Variants in SPTB observed in about 807,000 individuals in gnomAD.
The protein encoded by SPTB is spectrin beta chain, erythrocytic.
Under a neutral mutation model 256.2 loss-of-function variants are expected in SPTB, and 45 were observed. That is an observed-to-expected ratio of 0.18 (90% CI 0.14 to 0.23). The LOEUF (loss-of-function observed/expected upper bound fraction) is 0.23. SPTB is among the 10% of genes least tolerant of loss of function. SPTB has a pLI of 1.00. For synonymous variants in SPTB, 1,231 were observed against 1,243.1 expected (o/e 0.99, Z 0.21); for missense variants, 2,715 against 3,040.4 (o/e 0.89, Z 2.52).
At chr14:64,773,454 A>T in intron 24 of SPTB, 30 bp from the exon 25 acceptor site, 1 of 1,610,594 alleles carries the variant, frequency 6.2e-7, no homozygotes, top group Non-Finnish European at 8.5e-7. Flanking sequence ...AGGCCCTCAG[A>T]GACGGCAGCC....
intron 1 of SPTB, among the ~76,000 whole-genome samples, chr14:64,832,851 C>G (rs898922192): frequency 6.6e-6 from 1 of 152,248 alleles, no homozygotes; most frequent in African/African-American, 2.4e-5. Context: ...ACTGCCTTCT[C>G]AAGTCTAGTG....
At chr14:64,822,374 T>TCTCACACACACACACACACACA in intron 2 of SPTB, among the ~76,000 whole-genome samples, 2 of 1,016 alleles carry the variant, frequency 2.0e-3, no homozygotes, top group Non-Finnish European at 3.2e-3. Context: ...TCTCTCTCTC[T>TCTCACACACACACACACACACA]CACACACACA....
rs2082987619 is a variant in SPTB at position 64,806,548 on chromosome 14, G to T, written c.149-1458C>A. On this transcript the variant is annotated intron_variant, in intron 2 of 35. Transcript: ENST00000644917. The surrounding 1 kb of genome is among the most constrained non-coding windows in gnomAD (Gnocchi z 4.1). ...AATAACAAAAAGAGGAGCTTAGCCA[G>T]TTCTGCCTCAAGGGTAGAATCCTGG... 1.3e-5 allele frequency among the ~76,000 whole-genome samples: 2 copies of T among 152,354 alleles called. No homozygotes were observed. Among genetic ancestry groups the T allele is most frequent in the Admixed American group, 1.3e-4 (2 of 15,312 alleles).
intron 20 of SPTB, among the ~76,000 whole-genome samples, chr14:64,781,060 T>TA (rs140191731): frequency 0.06 from 9,103 of 152,018 alleles, 330 homozygotes; most frequent in Non-Finnish European, 0.09. Flanking sequence ...ATTAGACATA[T>TA]AAAAAAATAA....
In SPTB at chr14:64,759,389, C is replaced by G. The variant is rs1362955624; in HGVS notation, c.6346-5596G>C. Among the ~76,000 whole-genome samples the G allele has an allele frequency of 6.6e-6, 1 of 152,268 alleles. No individual in the cohort carries two copies. Among genetic ancestry groups the G allele is most frequent in the African/African-American group, 2.4e-5 (1 of 41,472 alleles). On this transcript the variant is annotated intron_variant, in intron 32 of 35. Transcript: ENST00000644917. This position sits in a 1 kb window ranked among gnomAD's most constrained non-coding sequence, Gnocchi z 4.8. ...CATCAAGGACCTCCCAGCTCACCAG[C>G]TGAACCATCCACCCATGCCAACCGT...
chr14:64,810,897 C>T (rs375510), intron 2 of SPTB, among the ~76,000 whole-genome samples: 53,986 of 152,088 alleles, frequency 0.35, 10,244 homozygotes, highest in African/African-American at 0.49. Context: ...AGGAGGATCA[C>T]TTGAGGCCAG....
rs5809251 is a variant in SPTB at position 64,841,740 on chromosome 14, C to CATATAT, written c.-51-18601_-51-18596dup. Among the ~76,000 whole-genome samples, 1 of 109,102 alleles carries CATATAT rather than the reference C, an allele frequency of 9.2e-6. No individual in the cohort carries two copies. The highest frequency in any genetic ancestry group is 5.0e-5 in the African/African-American group (1 of 19,942). The allele number at this position is 109,102 out of a possible 152,430, so 71.6% of individuals were successfully genotyped here. On this transcript the variant is annotated intron_variant, in intron 1 of 35. Coordinates refer to ENST00000644917, the MANE Select transcript of SPTB (RefSeq NM_001355436.2). This position sits in a 1 kb window ranked among gnomAD's most constrained non-coding sequence, Gnocchi z 4.6. ...ATCTCCCAGCTGCCCTCTGACATCC[C>CATATAT]ATATATATATATATATTTTTTAAGG...
chr14:64,861,148 T>C (rs1283921374), intron 1 of SPTB, among the ~76,000 whole-genome samples: 5 of 151,988 alleles, frequency 3.3e-5, no homozygotes, highest in East Asian at 3.9e-4. Flanking sequence ...GAATTGAACA[T>C]TGAGAACGCA....
chr14:64,861,626 GC>G (rs1364427658), intron 1 of SPTB, among the ~76,000 whole-genome samples: 1 of 151,982 alleles, frequency 6.6e-6, no homozygotes, highest in Non-Finnish European at 1.5e-5. Context: ...CATCCTCTTG[GC>G]CTAAAAATCA....
In SPTB at chr14:64,773,257, G is replaced by A; in HGVS notation, c.5141C>T (p.Ser1714Phe). ...AAAGTCTTGCCCCATTTCCGGGGAA[G>A]AGGCCACTAGCTCCTTTTCTGAAAT... ...QWISEKELVA[S>F]SPEMGQDFDH... Residue 1714 changes from serine to phenylalanine, a missense_variant, in exon 25 of 36, where the codon TCT becomes TTT. By Grantham distance (155) the Ser-to-Phe change is radical. This residue lies in a region of SPTB where 2,239 missense variants were observed against 2,384.4 expected (regional missense o/e 0.94). Coordinates refer to ENST00000644917, the MANE Select transcript of SPTB (RefSeq NM_001355436.2). 1 of 1,614,276 alleles carries A rather than the reference G, an allele frequency of 6.2e-7. No individual in the cohort carries two copies. Among genetic ancestry groups the A allele is most frequent in the Non-Finnish European group, 8.5e-7 (1 of 1,180,048 alleles).
At chr14:64,876,264 C>T (rs1882819451) in intron 1 of SPTB, among the ~76,000 whole-genome samples, 1 of 152,136 alleles carries the variant, frequency 6.6e-6, no homozygotes, top group South Asian at 2.1e-4. Context: ...GTCTCAGCCT[C>T]CCGAGTAGCT....
chr14:64,809,129 GC>G (rs1019933445), intron 2 of SPTB, among the ~76,000 whole-genome samples: 1 of 151,772 alleles, frequency 6.6e-6, no homozygotes, highest in Non-Finnish European at 1.5e-5. Flanking sequence ...AGGCATGGTG[GC>G]AAGAACCTGT....
chr14:64,767,291 G>A lies in SPTB; in HGVS notation c.6269+12C>T. The A allele has an allele frequency of 6.2e-7, 1 of 1,613,832 alleles. No homozygotes were observed. The highest frequency in any genetic ancestry group is 8.5e-7 in the Non-Finnish European group (1 of 1,180,008). On this transcript the variant is annotated intron_variant, in intron 31 of 35. Coordinates refer to ENST00000644917, the MANE Select transcript of SPTB (RefSeq NM_001355436.2). ...GAGCATTCAGCTCCCTGGACACACGGCCACCACTCACCCAGTCTCCTCTGC... is the reference window on the plus strand; with the variant it reads ...GAGCATTCAGCTCCCTGGACACACGACCACCACTCACCCAGTCTCCTCTGC...
chr14:64,846,761 G>T (rs1352390678), intron 1 of SPTB, among the ~76,000 whole-genome samples: 1 of 152,158 alleles, frequency 6.6e-6, no homozygotes, highest in African/African-American at 2.4e-5. Flanking sequence ...TTTAAATTGG[G>T]TCTAAATATA....
At position 64,793,162 on chromosome 14, in the gene SPTB, A is replaced by C. The variant is rs1308836800; in HGVS notation, c.2501T>G (p.Val834Gly). 1 of 1,613,922 alleles carries C rather than the reference A, an allele frequency of 6.2e-7. No homozygotes were observed. Among genetic ancestry groups the C allele is most frequent in the Non-Finnish European group, 8.5e-7 (1 of 1,180,028 alleles). The change falls in exon 14 of 36, where the codon GTG becomes GGG. Residue 834 changes from valine to glycine, a missense_variant. By Grantham distance (109) the Val-to-Gly change is moderately radical. Coordinates refer to ENST00000644917, the MANE Select transcript of SPTB (RefSeq NM_001355436.2). This position sits in a 1 kb window ranked among gnomAD's most constrained non-coding sequence, Gnocchi z 7.0. ...CTGCTGACGCAGGTCCGCCTGGGCC[A>C]CCACCTGTTGGTAGAGCTCCCGCAG... ...QALRELYQQV[V>G]AQADLRQQRL...
At chr14:64,828,214 G>C (rs1422634030) in intron 1 of SPTB, among the ~76,000 whole-genome samples, 1 of 152,074 alleles carries the variant, frequency 6.6e-6, no homozygotes, top group African/African-American at 2.4e-5. Context: ...TCACCCGGCA[G>C]GGGCTTTACA....
chr14:64,868,737 C>T (rs1030175102), intron 1 of SPTB, among the ~76,000 whole-genome samples: 2 of 152,150 alleles, frequency 1.3e-5, no homozygotes, highest in African/African-American at 2.4e-5. Flanking sequence ...TTGGAAACCT[C>T]GGGTATGGAA....
In SPTB at chr14:64,753,579, C is replaced by T. The variant is rs746806448; in HGVS notation, c.6560G>A (p.Arg2187His). ...QSVQMEGYLGRKHDLEGPNKK... is the reference protein window; with the variant it reads ...QSVQMEGYLGHKHDLEGPNKK... ...GTTGGGCCCCTCCAGGTCATGCTTG[C>T]GGCCCAGGTAGCCTTCCATCTGCAC... is the stretch of plus-strand genomic sequence containing the variant. Residue 2187 changes from arginine to histidine, a missense_variant, in exon 33 of 36, where the codon CGC becomes CAC. Physicochemically the swap from Arg to His is conservative, Grantham distance 29. Transcript: ENST00000644917. 10 of 1,613,462 alleles carry T rather than the reference C, an allele frequency of 6.2e-6. No homozygotes were observed. Among genetic ancestry groups the T allele is most frequent in the Middle Eastern group, 1.6e-4 (1 of 6,080 alleles).
At chr14:64,753,485 TC>T in intron 33 of SPTB, 51 bp downstream of exon 33, 1 of 1,611,198 alleles carries the variant, frequency 6.2e-7, no homozygotes, top group Non-Finnish European at 8.5e-7. Flanking sequence ...AGCAGAGAGA[TC>T]CCTGAGAGCT....
Sources: allele counts gnomAD v4.1 joint callset (sites outside exome capture counted in the v4.1 genomes callset), GRCh38; gene constraint gnomAD v4.1.1; regional missense constraint gnomAD v4.1.1; non-coding constraint Gnocchi (gnomAD v3.1); transcripts MANE v1.5; gene names NCBI Gene and HGNC (gene_info 2026-07-23, HGNC 2026-07-21).